KLHL12: variants seen among roughly 807,000 people sequenced by gnomAD.
The protein encoded by KLHL12 is kelch-like protein 12.
In KLHL12, 17 loss-of-function variants were observed where a neutral mutation model predicts 60.8. That is an observed-to-expected ratio of 0.28 (90% CI 0.19 to 0.42). KLHL12 has a LOEUF of 0.42. KLHL12 is among the 10% of genes least tolerant of loss of function. The pLI, the probability that KLHL12 is intolerant of heterozygous loss-of-function variation, is 1.00. For synonymous variants in KLHL12, 220 were observed against 250.9 expected, an observed-to-expected ratio of 0.88 and a Z score of 1.16; for missense variants, 468 against 722.3, an observed-to-expected ratio of 0.65 and a Z score of 4.04.
intron 6 of KLHL12, among the ~76,000 whole-genome samples, chr1:202,904,661 A>T (rs1451023273): frequency 6.6e-6 from 1 of 152,238 alleles, no homozygotes; most frequent in Non-Finnish European, 1.5e-5. Context: ...GTGAAAAAGC[A>T]CATTTCTAAA....
chr1:202,928,296 GAA>G (rs1360708150), upstream of KLHL12, among the ~76,000 whole-genome samples: 2 of 148,758 alleles, frequency 1.3e-5, no homozygotes, highest in East Asian at 2.0e-4. Flanking sequence ...AAAGAAAAAA[GAA>G]AAAAAAGAAA....
chr1:202,906,882 G>C (rs149715559), intron 6 of KLHL12, among the ~76,000 whole-genome samples: 1 of 152,042 alleles, frequency 6.6e-6, no homozygotes, highest in Non-Finnish European at 1.5e-5. Context: ...GGCTGGTCTC[G>C]AACTACTGAC....
chr1:202,918,092 G>T, intron 4 of KLHL12, 79 bp downstream of exon 4: 1 of 1,002,006 alleles, frequency 1.0e-6, no homozygotes, highest in Non-Finnish European at 1.5e-6. Context: ...AAGCCCTGAT[G>T]GTAAGTAACT....
intron 2 of KLHL12, among the ~76,000 whole-genome samples, chr1:202,920,109 T>C (rs566614020): frequency 6.6e-6 from 1 of 152,142 alleles, no homozygotes; most frequent in African/African-American, 2.4e-5. Context: ...AGGTCAGGAA[T>C]TCAAGACCAG....
At chr1:202,896,687 A>T (rs1262757380) in intron 7 of KLHL12, among the ~76,000 whole-genome samples, 167 bp downstream of exon 7, 1 of 152,182 alleles carries the variant, frequency 6.6e-6, no homozygotes, top group African/African-American at 2.4e-5. Flanking sequence ...TTCTAATCTA[A>T]ACAGTCAAAA....
At chr1:202,899,034 T>C (rs1450350324) in intron 6 of KLHL12, among the ~76,000 whole-genome samples, 2 of 151,866 alleles carry the variant, frequency 1.3e-5, no homozygotes, top group Non-Finnish European at 2.9e-5. Flanking sequence ...CAAAATAGCC[T>C]GGGTGCAGTG....
chr1:202,925,739 AT>A (rs1653514663), intron 1 of KLHL12, among the ~76,000 whole-genome samples: 1 of 152,234 alleles, frequency 6.6e-6, no homozygotes, highest in Non-Finnish European at 1.5e-5. Flanking sequence ...CTCAGTAAAA[AT>A]AAACTTTTTT....
At position 202,905,718 on chromosome 1, in the gene KLHL12, A is replaced by G. The variant is rs117441348; in HGVS notation, c.832+3292T>C. Among the ~76,000 whole-genome samples the G allele has an allele frequency of 3.2e-3, 484 of 152,310 alleles. 5 individuals carry two copies. In the East Asian group the frequency reaches 0.057, roughly 18 times the overall value. On this transcript the variant is annotated intron_variant, in intron 6 of 11. Coordinates refer to ENST00000367261, the MANE Select transcript of KLHL12 (RefSeq NM_021633.4). ...GAAACCCCAAATCCAAAATGCTTCA[A>G]TGAGCATTTCCTTTGAGCATTATGT...
At chr1:202,918,450 T>C in intron 3 of KLHL12, 62 bp from the exon 4 acceptor site, 2 of 1,252,272 alleles carry the variant, frequency 1.6e-6, no homozygotes, top group South Asian at 1.2e-5. Context: ...CTAGGATATA[T>C]TCTTGTATCT....
At chr1:202,908,736 T>TTTTA (rs1435269127) in intron 6 of KLHL12, among the ~76,000 whole-genome samples, 1 of 152,172 alleles carries the variant, frequency 6.6e-6, no homozygotes, top group Non-Finnish European at 1.5e-5. Context: ...TGACAAAAAA[T>TTTTA]TGTAACATAT....
At chr1:202,908,923 TC>T in intron 6 of KLHL12, 86 bp downstream of exon 6, 1 of 841,436 alleles carries the variant, frequency 1.2e-6, no homozygotes, top group Admixed American at 1.9e-5. Flanking sequence ...TGTCTGTACT[TC>T]TTATAGAGTA....
At chr1:202,911,302 G>T in intron 4 of KLHL12, 99 bp from the exon 5 acceptor site, 1 of 1,311,342 alleles carries the variant, frequency 7.6e-7, no homozygotes, top group Non-Finnish European at 1.1e-6. Context: ...GCTTCCCATT[G>T]CCCACCACCA....
At position 202,918,395 on chromosome 1, in the gene KLHL12, C is replaced by T; in HGVS notation, c.350-7G>A. 6.2e-7 allele frequency: 1 copy of T among 1,606,124 alleles called. No homozygotes were observed. Among genetic ancestry groups the T allele is most frequent in the Non-Finnish European group, 8.5e-7 (1 of 1,172,708 alleles). On this transcript the variant is annotated splice_polypyrimidine_tract_variant and splice_region_variant and intron_variant, in intron 3 of 11. Coordinates refer to ENST00000367261, the MANE Select transcript of KLHL12 (RefSeq NM_021633.4). ...CAGCAGGCTTGTTTCACACCTAGGA[C>T]AGACACAGGCAGCAAACACTTTAGA...
At chr1:202,915,990 G>A (rs542790596) in intron 4 of KLHL12, among the ~76,000 whole-genome samples, 14 of 152,304 alleles carry the variant, frequency 9.2e-5, no homozygotes, top group South Asian at 6.2e-4. Flanking sequence ...TGTAGTGAAC[G>A]TCAAATCTGT....
intron 2 of KLHL12, 74 bp from the exon 3 acceptor site, chr1:202,919,982 G>T: frequency 1.6e-6 from 2 of 1,241,346 alleles, no homozygotes; most frequent in Non-Finnish European, 2.3e-6. Context: ...ATATCTAAGA[G>T]CTTAGAGATG....
chr1:202,917,342 G>A (rs1030510048), intron 4 of KLHL12, among the ~76,000 whole-genome samples: 2 of 152,146 alleles, frequency 1.3e-5, no homozygotes, highest in African/African-American at 2.4e-5. Context: ...AGCCTCTCAA[G>A]TAGCTGGGAC....
intron 11 of KLHL12, among the ~76,000 whole-genome samples, chr1:202,892,955 T>C (rs1195374458): frequency 2.6e-5 from 4 of 152,124 alleles, no homozygotes; most frequent in African/African-American, 4.8e-5. Context: ...GGTGGAAGGA[T>C]TGCTTGAGCC....
chr1:202,905,658 T>C (rs4950889), intron 6 of KLHL12, among the ~76,000 whole-genome samples: 82,893 of 152,110 alleles, frequency 0.54, 23,453 homozygotes, highest in Non-Finnish European at 0.62. Context: ...ATCTGCATTA[T>C]TTCTTTGCAC....
At chr1:202,926,502 A>G (rs1428208139) in intron 1 of KLHL12, among the ~76,000 whole-genome samples, 2 of 152,198 alleles carry the variant, frequency 1.3e-5, no homozygotes, top group Non-Finnish European at 2.9e-5. Flanking sequence ...ATCAAAGCAT[A>G]TGTTTTTCAA....
Sources: gnomAD v4.1 joint callset for allele counts (sites outside exome capture counted in the v4.1 genomes callset) on GRCh38, gnomAD v4.1.1 for gene constraint, MANE v1.5 for transcripts, NCBI Gene and HGNC (gene_info 2026-07-23, HGNC 2026-07-21) for gene names.